Variants in SIDT2 observed in about 807,000 individuals in gnomAD.
SIDT2 encodes SID1 transmembrane family, member 2.
SIDT2 carries 68 observed loss-of-function variants against 114.4 expected under a neutral mutation model. The observed-to-expected ratio is 0.59, with a 90% CI of 0.49 to 0.73. The LOEUF is 0.73. Among genes scored for constraint, SIDT2 ranks in the 30% least tolerant of loss-of-function variants. SIDT2 has a pLI of 0.00. For synonymous variants in SIDT2, 470 were observed against 438.4 expected, an observed-to-expected ratio of 1.07 and a Z score of -0.90; for missense variants, 918 against 1,097.1, an observed-to-expected ratio of 0.84 and a Z score of 2.31.
At position 117,183,808 on chromosome 11, in the gene SIDT2, TGTG is replaced by T; in HGVS notation, c.745_747del (p.Val249del). 4 of 1,613,554 alleles carry T rather than the reference TGTG, an allele frequency of 2.5e-6. No individual in the cohort carries two copies. The highest frequency in any genetic ancestry group is 1.1e-5 in the South Asian group (1 of 91,072). On this transcript the variant is annotated inframe_deletion, in exon 7 of 26. Coordinates refer to ENST00000324225, the MANE Select transcript of SIDT2 (RefSeq NM_001040455.2). ...AAGACTTCCCCAGCAACAGCTTTTA[TGTG>T]GTGGTGGTGGTGAAGACCGAAGACC...
intron 13 of SIDT2, 150 bp from the exon 14 acceptor site, chr11:117,189,019 T>C: frequency 1.0e-6 from 1 of 997,486 alleles, no homozygotes. Flanking sequence ...ACCCTCTTGG[T>C]CTAAGCGGCC....
chr11:117,192,600 C>T lies in SIDT2; in HGVS notation c.2008C>T (p.His670Tyr), dbSNP rs771916749. 1 of 1,609,772 alleles carries T rather than the reference C, an allele frequency of 6.2e-7. No homozygotes were observed. Among genetic ancestry groups the T allele is most frequent in the East Asian group, 2.2e-5 (1 of 44,766 alleles). ...LDSGIFRRIL[H>Y]VLYTDCIRQC... ...CTCGGGGATCTTCCGCCGCATCCTC[C>T]ACGTGCTCTACACAGACTGCATCCG... The change falls in exon 21 of 26, where the codon CAC (histidine) becomes TAC (tyrosine). Residue 670 changes from histidine to tyrosine, a missense_variant. This residue lies in a region of SIDT2 where 275 missense variants were observed against 397.6 expected (regional missense o/e 0.69). Coordinates refer to ENST00000324225, the MANE Select transcript of SIDT2 (RefSeq NM_001040455.2). The surrounding 1 kb of genome is among the most constrained non-coding windows in gnomAD (Gnocchi z 5.9).
At chr11:117,187,288 C>G (rs1384246058) in intron 10 of SIDT2, 90 bp from the exon 11 acceptor site, 3 of 1,289,244 alleles carry the variant, frequency 2.3e-6, no homozygotes, top group Non-Finnish European at 3.4e-6. Context: ...CTCCCTGTGG[C>G]TGTCTTCTCT....
In SIDT2 at chr11:117,190,614, C is replaced by T; in HGVS notation, c.1618-9C>T. On this transcript the variant is annotated splice_polypyrimidine_tract_variant and intron_variant, in intron 17 of 25. Transcript: ENST00000324225. This position sits in a 1 kb window ranked among gnomAD's most constrained non-coding sequence, Gnocchi z 4.1. Reference sequence around the variant, plus strand: ...CCTCCCTCCCTTCCCTTCTCTCTCTCCCCAACAGGAATGTGGGATCCCCAA... The same window carrying T: ...CCTCCCTCCCTTCCCTTCTCTCTCTTCCCAACAGGAATGTGGGATCCCCAA... 1 of 1,564,608 alleles carries T rather than the reference C, an allele frequency of 6.4e-7. No individual in the cohort carries two copies. The highest frequency in any genetic ancestry group is 1.2e-5 in the South Asian group (1 of 86,138).
At chr11:117,186,729 G>T (rs2030510404) in intron 10 of SIDT2, 93 bp downstream of exon 10, 9 of 1,242,912 alleles carry the variant, frequency 7.2e-6, no homozygotes, top group Non-Finnish European at 1.0e-5. Context: ...GGAGGAGGAA[G>T]GGCTGGGGGT....
rs756990505 is a variant in SIDT2, at chr11:117,178,957, C to T, written c.-307C>T. ...CGGCAACCAGCCGCCCTCCTTCTCA[C>T]GGCCCTGGCCCGGGGCTCCAGGGTC... On this transcript the variant is annotated 5_prime_UTR_variant, in exon 1 of 26. It adds an upstream start codon to the 5' untranslated region. Coordinates refer to ENST00000324225, the MANE Select transcript of SIDT2 (RefSeq NM_001040455.2). 2.6e-4 allele frequency: 74 copies of T among 287,322 alleles called. No homozygotes were observed. The highest frequency in any genetic ancestry group is 3.8e-4 in the Non-Finnish European group (58 of 153,502). The allele number at this position is 287,322 out of a possible 1,614,324, so 17.8% of individuals were successfully genotyped here.
chr11:117,185,699 G>A (rs1436992681), intron 8 of SIDT2, among the ~76,000 whole-genome samples: 3 of 151,868 alleles, frequency 2.0e-5, no homozygotes, highest in Admixed American at 6.6e-5. Flanking sequence ...GCAACATAGC[G>A]AGACCCAATC....
rs144777377 is a variant in SIDT2 at position 117,183,840 on chromosome 11, C to G, written c.764C>G (p.Ala255Gly). ...VVVVVKTEDQ[A>G]CGGSLPFYPF... is the part of the protein sequence containing the mutation. The stretch of plus-strand genomic sequence containing the variant: ...GTGGTGGTGAAGACCGAAGACCAAG[C>G]CTGCGGGGGCTCCCTGCCTTTCTAC... Residue 255 changes from alanine (A) to glycine (G), a missense_variant, in exon 7 of 26, where the codon GCC becomes GGC. Ala to Gly is a moderately conservative substitution (Grantham distance 60). Around this residue, in one of 4 missense-constraint regions of SIDT2, gnomAD observed 553 missense variants for 600.1 expected, o/e 0.92. Coordinates refer to ENST00000324225, the MANE Select transcript of SIDT2 (RefSeq NM_001040455.2). 1 of 1,614,072 alleles carries G rather than the reference C, an allele frequency of 6.2e-7. No individual in the cohort carries two copies. The highest frequency in any genetic ancestry group is 2.2e-5 in the East Asian group (1 of 44,882).
Position 117,192,016 on chromosome 11 carries a change from T to C in SIDT2, c.1872+2T>C. On this transcript the variant is annotated splice_donor_variant, in intron 19 of 25. Transcript: ENST00000324225. LOFTEE classifies it high-confidence loss of function. The surrounding 1 kb of genome is among the most constrained non-coding windows in gnomAD (Gnocchi z 5.9). ...ATCTTCTTCTCTGTGCTGGGCGTGG[T>C]GAGGGCCTGACCTGCTCTGCTCAGC... is the stretch of plus-strand genomic sequence containing the variant. The C allele has an allele frequency of 7.4e-6, 12 of 1,614,082 alleles. No individual in the cohort carries two copies. The highest frequency in any genetic ancestry group is 2.2e-5 in the East Asian group (1 of 44,878).
intron 8 of SIDT2, among the ~76,000 whole-genome samples, chr11:117,185,216 A>G (rs1224987575): frequency 6.6e-6 from 1 of 151,474 alleles, no homozygotes; most frequent in Non-Finnish European, 1.5e-5. Flanking sequence ...CGCCCGGCTA[A>G]TTTTTTGTAT....
intron 24 of SIDT2, chr11:117,194,226 G>C: frequency 2.9e-6 from 1 of 349,054 alleles, no homozygotes; most frequent in Non-Finnish European, 5.3e-6. Context: ...GAGGCAAGAA[G>C]ATAGCCTGTG....
chr11:117,191,356 G>C (rs1336071148), intron 18 of SIDT2: 1 of 155,818 alleles, frequency 6.4e-6, no homozygotes, highest in African/African-American at 2.4e-5. Flanking sequence ...GGCTGAGGCG[G>C]GGGGATCGCC....
chr11:117,187,850 CCTT>C (rs1471789193), intron 12 of SIDT2, 151 bp downstream of exon 12: 2 of 768,746 alleles, frequency 2.6e-6, no homozygotes, highest in African/African-American at 3.4e-5. Context: ...ATCCCCTCCT[CCTT>C]GGCCCCAGTT....
At chr11:117,193,100 C>T in intron 22 of SIDT2, 53 bp from the exon 23 acceptor site, 1 of 1,554,540 alleles carries the variant, frequency 6.4e-7, no homozygotes, top group Non-Finnish European at 8.9e-7. Flanking sequence ...GCAGGAAGAG[C>T]ACTTCCTTGC....
Position 117,192,381 on chromosome 11 carries a change from C to A in SIDT2, c.1981+19C>A. ...AAACTGGGTAAGGGCACGCCCGGGG[C>A]AGGGCCTGGGGGAGGGGTCTGGGGG... On this transcript the variant is annotated intron_variant, in intron 20 of 25. Transcript: ENST00000324225. The surrounding 1 kb of genome is among the most constrained non-coding windows in gnomAD (Gnocchi z 5.9). The A allele has an allele frequency of 1.3e-6, 2 of 1,520,292 alleles. No homozygotes were observed. Among genetic ancestry groups the A allele is most frequent in the Non-Finnish European group, 9.1e-7 (1 of 1,096,322 alleles). The allele number at this position is 1,520,292 out of a possible 1,614,324, so 94.2% of individuals were successfully genotyped here. A position where few individuals can be genotyped will look rare whatever the true frequency, so the allele number is the denominator to read the frequency against.
intron 23 of SIDT2, 24 bp from the exon 24 acceptor site, chr11:117,193,829 C>T: frequency 6.3e-7 from 1 of 1,578,830 alleles, no homozygotes; most frequent in Non-Finnish European, 8.7e-7. Context: ...CCTCAGACTG[C>T]TGTCCCTGCC....
chr11:117,179,608 C>T (rs1407966521), intron 1 of SIDT2, 162 bp downstream of exon 1: 5 of 645,128 alleles, frequency 7.8e-6, no homozygotes, highest in African/African-American at 7.4e-5. Flanking sequence ...AGTCCTCCTT[C>T]CTTTGCCACC....
intron 12 of SIDT2, 70 bp downstream of exon 12, chr11:117,187,769 G>A (rs1440574408): frequency 6.7e-7 from 1 of 1,492,374 alleles, no homozygotes; most frequent in Admixed American, 1.7e-5. Context: ...GTCACGGTGG[G>A]CGGTTGCCTC....
intron 3 of SIDT2, 44 bp downstream of exon 3, chr11:117,182,015 C>T: frequency 1.2e-6 from 2 of 1,614,064 alleles, no homozygotes; most frequent in Non-Finnish European, 1.7e-6. Context: ...TGGTTCTTCC[C>T]CAGGCTCCGG....
Sources: allele counts gnomAD v4.1 joint callset (sites outside exome capture counted in the v4.1 genomes callset), GRCh38; gene constraint gnomAD v4.1.1; regional missense constraint gnomAD v4.1.1; non-coding constraint Gnocchi (gnomAD v3.1); transcripts MANE v1.5; gene names NCBI Gene and HGNC (gene_info 2026-07-23, HGNC 2026-07-21).